UGGT2: variants seen among roughly 807,000 people sequenced by gnomAD.
UGGT2 encodes UDP-glucose glycoprotein glucosyltransferase 2.
A neutral mutation model predicts 192.1 loss-of-function variants in UGGT2; 180 were observed. The observed-to-expected ratio is 0.94, with a 90% CI of 0.83 to 1.06. The LOEUF (loss-of-function observed/expected upper bound fraction) is 1.06. Among genes scored for constraint, UGGT2 ranks in the 50% least tolerant of loss-of-function variants. UGGT2 has a pLI of 0.00. For synonymous variants in UGGT2, 580 were observed against 591.0 expected, an observed-to-expected ratio of 0.98 and a Z score of 0.27; for missense variants, 1,849 against 1,795.7, an observed-to-expected ratio of 1.03 and a Z score of -0.54.
At chr13:96,017,674 T>C (rs1164334713) in intron 4 of UGGT2, among the ~76,000 whole-genome samples, 1 of 152,238 alleles carries the variant, frequency 6.6e-6, no homozygotes, top group Non-Finnish European at 1.5e-5. Flanking sequence ...GTACAATAAA[T>C]GTTTTTTTAA....
At chr13:95,928,924 A>G (rs927909138) in intron 17 of UGGT2, among the ~76,000 whole-genome samples, 1 of 152,214 alleles carries the variant, frequency 6.6e-6, no homozygotes, top group Non-Finnish European at 1.5e-5. Flanking sequence ...TAAGTGAGCG[A>G]GACTCCATCT....
In UGGT2 at chr13:95,983,807, T is replaced by A. The variant is rs1489605985; in HGVS notation, c.1089A>T (p.Gln363His). ...TAAAAAAGGAATTCAAACAAACCTT[T>A]TGATTTTCCTTTATTTCTTCTCTCA... ...QHMREEIKENQKDLQVRFKIQ... is the reference protein window; with the variant it reads ...QHMREEIKENHKDLQVRFKIQ... Residue 363 changes from glutamine (Q) to histidine (H), a missense_variant, in exon 10 of 39, where the codon CAA (glutamine) becomes CAT (histidine). Gln to His is a conservative substitution (Grantham distance 24). Transcript: ENST00000376747. 71 of 1,558,358 alleles carry A rather than the reference T, an allele frequency of 4.6e-5. No individual in the cohort carries two copies. Among genetic ancestry groups the A allele is most frequent in the Non-Finnish European group, 5.9e-5 (68 of 1,150,464 alleles).
chr13:95,851,599 T>C (rs909591452), intron 36 of UGGT2, among the ~76,000 whole-genome samples: 1 of 151,950 alleles, frequency 6.6e-6, no homozygotes, highest in African/African-American at 2.4e-5. Flanking sequence ...AAAGGAGAGG[T>C]TGAAAACATC....
intron 10 of UGGT2, among the ~76,000 whole-genome samples, chr13:95,974,139 A>C (rs1395549231): frequency 6.6e-6 from 1 of 152,218 alleles, no homozygotes; most frequent in African/African-American, 2.4e-5. Flanking sequence ...GAGGAGGGAG[A>C]AGAACTTAAA....
chr13:95,952,914 G>A (rs1021440473), intron 12 of UGGT2, among the ~76,000 whole-genome samples: 23 of 152,152 alleles, frequency 1.5e-4, no homozygotes, highest in African/African-American at 5.5e-4. Flanking sequence ...ATGAAAATAT[G>A]CTATGATCCA....
chr13:95,802,059 C>G (rs1884084979), intron 38 of UGGT2, among the ~76,000 whole-genome samples: 1 of 152,114 alleles, frequency 6.6e-6, no homozygotes, highest in Non-Finnish European at 1.5e-5. Flanking sequence ...TCTATGAGGA[C>G]AAGGAACATA....
At chr13:95,832,033 T>C (rs1239803987) in intron 38 of UGGT2, among the ~76,000 whole-genome samples, 1 of 151,958 alleles carries the variant, frequency 6.6e-6, no homozygotes, top group Admixed American at 6.6e-5. Flanking sequence ...AACTTTTTTT[T>C]TTTAAAGGAA....
chr13:95,932,351 G>GTA (rs1555359376), intron 17 of UGGT2, among the ~76,000 whole-genome samples: 1 of 146,392 alleles, frequency 6.8e-6, no homozygotes, highest in Non-Finnish European at 1.5e-5. Flanking sequence ...GTGTGTGTGT[G>GTA]TATGGCTATT....
Position 95,807,716 on chromosome 13 carries a change from C to CTTTTTTTTTTTTTTTTTTTTTTTTT in UGGT2, c.4529-5905_4529-5904insAAAAAAAAAAAAAAAAAAAAAAAAA. Among the ~76,000 whole-genome samples the CTTTTTTTTTTTTTTTTTTTTTTTTT allele has an allele frequency of 1.3e-4, 10 of 78,708 alleles. 2 individuals are homozygous for CTTTTTTTTTTTTTTTTTTTTTTTTT. The highest frequency in any genetic ancestry group is 1.5e-4 in the African/African-American group (3 of 19,376). 51.6% of individuals were successfully genotyped at this position (78,708 alleles called of 152,430 possible). On this transcript the variant is annotated intron_variant, in intron 38 of 38. Coordinates refer to ENST00000376747, the MANE Select transcript of UGGT2 (RefSeq NM_020121.4). Reference sequence around the variant, plus strand: ...GTATCTTGAAACCCTCAGCCCTCACCTTTTTTTTTTTTTTTTTTTGCCGTA... The same window carrying CTTTTTTTTTTTTTTTTTTTTTTTTT: ...GTATCTTGAAACCCTCAGCCCTCACCTTTTTTTTTTTTTTTTTTTTTTTTTTTTTTTTTTTTTTTTTTTTGCCGTA...
At position 95,970,272 on chromosome 13, in the gene UGGT2, C is replaced by A. The variant is rs1297497466; in HGVS notation, c.1185-10G>T. 1 of 1,577,994 alleles carries A rather than the reference C, an allele frequency of 6.3e-7. No individual in the cohort carries two copies. The highest frequency in any genetic ancestry group is 1.9e-5 in the Admixed American group (1 of 51,656). ...CAGCATATCCAAAATACTATATATT[C>A]AAAGAAAAAACAGTTTTATTTTGAT... On this transcript the variant is annotated splice_polypyrimidine_tract_variant and intron_variant, in intron 11 of 38. Coordinates refer to ENST00000376747, the MANE Select transcript of UGGT2 (RefSeq NM_020121.4).
intron 38 of UGGT2, among the ~76,000 whole-genome samples, chr13:95,830,440 A>G (rs978323256): frequency 6.6e-6 from 1 of 152,182 alleles, no homozygotes; most frequent in African/African-American, 2.4e-5. Context: ...ACAAGAAAAA[A>G]TCAAACAACC....
intron 17 of UGGT2, among the ~76,000 whole-genome samples, chr13:95,934,290 T>C (rs763905756): frequency 1.3e-5 from 2 of 152,260 alleles, no homozygotes; most frequent in Admixed American, 6.5e-5. Flanking sequence ...AAGCATGTGC[T>C]TGATCTTGGA....
chr13:96,037,150 A>G (rs1234378810), intron 1 of UGGT2, among the ~76,000 whole-genome samples: 1 of 152,198 alleles, frequency 6.6e-6, no homozygotes, highest in Non-Finnish European at 1.5e-5. Flanking sequence ...GAATAACTGC[A>G]GTTCAGATGT....
chr13:95,948,484 C>G (rs2049955260), intron 13 of UGGT2, among the ~76,000 whole-genome samples: 1 of 152,078 alleles, frequency 6.6e-6, no homozygotes, highest in Non-Finnish European at 1.5e-5. Flanking sequence ...ATTAACATAA[C>G]TGCTTTATCA....
At chr13:95,877,540 AT>A in intron 28 of UGGT2, 157 bp downstream of exon 28, 5 of 1,046,100 alleles carry the variant, frequency 4.8e-6, no homozygotes, top group South Asian at 2.0e-5. Context: ...TTAAAGTATG[AT>A]TTTCCCCATT....
intron 38 of UGGT2, among the ~76,000 whole-genome samples, chr13:95,818,423 G>A (rs1421887093): frequency 1.3e-5 from 2 of 152,130 alleles, no homozygotes; most frequent in Admixed American, 6.5e-5. Context: ...ACAACAAGAA[G>A]AAAACAAAAC....
intron 38 of UGGT2, among the ~76,000 whole-genome samples, chr13:95,830,603 G>A (rs1183544269): frequency 6.6e-6 from 1 of 152,128 alleles, no homozygotes; most frequent in African/African-American, 2.4e-5. Context: ...CAGTTAGAAT[G>A]GCAATCATTA....
chr13:95,982,045 G>T (rs1465752080), intron 10 of UGGT2, among the ~76,000 whole-genome samples: 1 of 152,090 alleles, frequency 6.6e-6, no homozygotes, highest in African/African-American at 2.4e-5. Flanking sequence ...AAGATTTCTT[G>T]CTCTGCAGTC....
intron 3 of UGGT2, 49 bp downstream of exon 3, chr13:96,023,580 A>G: frequency 6.4e-7 from 1 of 1,559,896 alleles, no homozygotes; most frequent in Non-Finnish European, 8.7e-7. Flanking sequence ...CTCTATGTAC[A>G]TTGCTAGCGT....
Sources: gnomAD v4.1 joint callset for allele counts (sites outside exome capture counted in the v4.1 genomes callset) on GRCh38, gnomAD v4.1.1 for gene constraint, MANE v1.5 for transcripts, NCBI Gene and HGNC (gene_info 2026-07-23, HGNC 2026-07-21) for gene names.